Variants in TENM2 observed in about 807,000 individuals in gnomAD.
TENM2 encodes teneurin-2.
A neutral mutation model predicts 245.2 loss-of-function variants in TENM2; 52 were observed. That is an observed-to-expected ratio of 0.21 (90% CI 0.17 to 0.27). The LOEUF is 0.27. Among genes scored for constraint, TENM2 ranks in the 10% least tolerant of loss-of-function variants. The probability of loss-of-function intolerance (pLI) is 1.00; values close to 1 mark genes in which losing one functional copy is unlikely to be tolerated. For missense variants in TENM2, 3,046 were observed against 3,666.8 expected, an observed-to-expected ratio of 0.83 and a Z score of 4.37; for synonymous variants, 1,363 against 1,438.9, an observed-to-expected ratio of 0.95 and a Z score of 1.19.
intron 1 of TENM2, among the ~76,000 whole-genome samples, chr5:167,342,807 G>A (rs1480435104): frequency 3.3e-5 from 5 of 151,308 alleles, no homozygotes; most frequent in African/African-American, 1.2e-4. Flanking sequence ...GATTACAGGC[G>A]TGAGCCACCG....
At chr5:167,460,630 A>T (rs534801489) in intron 2 of TENM2, among the ~76,000 whole-genome samples, 8 of 151,876 alleles carry the variant, frequency 5.3e-5, no homozygotes, top group South Asian at 2.1e-4. Flanking sequence ...CTTCTGCTGA[A>T]TATACCACAG....
chr5:167,979,081 GAA>G (rs1782645817), intron 4 of TENM2, among the ~76,000 whole-genome samples: 1 of 152,196 alleles, frequency 6.6e-6, no homozygotes, highest in Non-Finnish European at 1.5e-5. Context: ...GTTGACATCT[GAA>G]AGACTGTCAA....
At chr5:167,766,447 G>A (rs2150739523) in intron 2 of TENM2, among the ~76,000 whole-genome samples, 1 of 152,298 alleles carries the variant, frequency 6.6e-6, no homozygotes, top group Admixed American at 6.5e-5. Context: ...AGCCATCGAA[G>A]GATGTTTCTT....
intron 12 of TENM2, among the ~76,000 whole-genome samples, chr5:168,134,497 A>G (rs572665355): frequency 1.4e-4 from 22 of 152,142 alleles, no homozygotes; most frequent in African/African-American, 4.3e-4. Flanking sequence ...ACCAGCCTGG[A>G]CAACATAGTG....
chr5:167,154,839 A>G, the TENM2 span, among the ~76,000 whole-genome samples: 2 of 152,234 alleles, frequency 1.3e-5, no homozygotes, highest in African/African-American at 4.8e-5. Flanking sequence ...GTGAAGTACT[A>G]CATATAAAGT....
intron 8 of TENM2, among the ~76,000 whole-genome samples, chr5:168,094,378 C>T (rs936580066): frequency 4.6e-5 from 7 of 152,006 alleles, no homozygotes; most frequent in Non-Finnish European, 5.9e-5. Context: ...GAACAGGGAG[C>T]CTTGACCTCA....
chr5:167,929,098 A>AAAGG (rs1778053858), intron 3 of TENM2, among the ~76,000 whole-genome samples: 1 of 143,100 alleles, frequency 7.0e-6, no homozygotes, highest in Non-Finnish European at 1.5e-5. Flanking sequence ...AGAAAGAAAG[A>AAAGG]AAGAAAGAAA....
chr5:166,995,005 CA>C, the TENM2 span, among the ~76,000 whole-genome samples: 1 of 152,150 alleles, frequency 6.6e-6, no homozygotes, highest in Non-Finnish European at 1.5e-5. Flanking sequence ...ATAATAACGA[CA>C]TTTTTCATTT....
At chr5:168,088,874 T>C (rs992877797) in intron 7 of TENM2, among the ~76,000 whole-genome samples, 1 of 152,182 alleles carries the variant, frequency 6.6e-6, no homozygotes, top group African/African-American at 2.4e-5. Context: ...CATTAGGAGA[T>C]TCCTGGAGTT....
intron 12 of TENM2, among the ~76,000 whole-genome samples, chr5:168,147,786 C>T (rs1033626192): frequency 2.0e-5 from 3 of 152,108 alleles, no homozygotes; most frequent in Non-Finnish European, 2.9e-5. Context: ...ATTGGAGCTC[C>T]GGAAAAGCTA....
chr5:167,323,286 A>C (rs1210867309), intron 1 of TENM2, among the ~76,000 whole-genome samples: 1 of 152,230 alleles, frequency 6.6e-6, no homozygotes, highest in Non-Finnish European at 1.5e-5. Context: ...TGGCATGGCT[A>C]AATGGATAGT....
the TENM2 span, among the ~76,000 whole-genome samples, chr5:167,204,735 T>A: frequency 6.6e-6 from 1 of 152,154 alleles, no homozygotes; most frequent in Admixed American, 6.5e-5. Flanking sequence ...AGAGTCCTAT[T>A]TGACAAAAGC....
chr5:167,694,161 T>C (rs192098933), intron 2 of TENM2, among the ~76,000 whole-genome samples: 2 of 152,304 alleles, frequency 1.3e-5, no homozygotes, highest in East Asian at 1.9e-4. Context: ...TCTGCACTTA[T>C]CCAGCTCAAT....
chr5:167,603,794 A>C (rs1776824210), intron 2 of TENM2, among the ~76,000 whole-genome samples: 1 of 152,240 alleles, frequency 6.6e-6, no homozygotes, highest in Non-Finnish European at 1.5e-5. Context: ...AAGTACCTGA[A>C]TCTCGAAACC....
chr5:167,115,665 A>G, the TENM2 span, among the ~76,000 whole-genome samples: 1 of 152,236 alleles, frequency 6.6e-6, no homozygotes, highest in Non-Finnish European at 1.5e-5. Context: ...GAACATGTCC[A>G]TGCATTATTT....
intron 3 of TENM2, among the ~76,000 whole-genome samples, chr5:167,879,538 G>A (rs1773703407): frequency 6.6e-6 from 1 of 152,202 alleles, no homozygotes; most frequent in African/African-American, 2.4e-5. Flanking sequence ...GGCCCCTGCA[G>A]ATGGAAGAAT....
the TENM2 span, among the ~76,000 whole-genome samples, chr5:167,275,248 A>T: frequency 6.6e-6 from 1 of 152,116 alleles, no homozygotes; most frequent in Non-Finnish European, 1.5e-5. Context: ...CCAACACCAC[A>T]CAGTATTGAT....
intron 2 of TENM2, among the ~76,000 whole-genome samples, chr5:167,454,605 G>A (rs13169301): frequency 0.14 from 21,020 of 152,016 alleles, 1,592 homozygotes; most frequent in East Asian, 0.26. Context: ...ATGTGTGTGT[G>A]TCTGTATTTC....
At chr5:167,861,198 A>G (rs1376284171) in intron 2 of TENM2, among the ~76,000 whole-genome samples, 3 of 151,948 alleles carry the variant, frequency 2.0e-5, no homozygotes, top group Non-Finnish European at 2.9e-5. Flanking sequence ...TCTCTTCTCC[A>G]TAGATTTTCT....
Sources: allele counts gnomAD v4.1 joint callset (sites outside exome capture counted in the v4.1 genomes callset), GRCh38; gene constraint gnomAD v4.1.1; transcripts MANE v1.5; gene names NCBI Gene and HGNC (gene_info 2026-07-23, HGNC 2026-07-21).